Variants in RPS15A observed in about 807,000 individuals in gnomAD.
The protein encoded by RPS15A is ribosomal protein S15a.
For missense variants in RPS15A, 62 were observed against 163.4 expected, an observed-to-expected ratio of 0.38 and a Z score of 3.38; for synonymous variants, 55 against 58.5, an observed-to-expected ratio of 0.94 and a Z score of 0.27.
rs374415648 is a variant in RPS15A at position 18,786,135 on chromosome 16, G to A, written c.214-1312C>T. ...TCGAAAGTCACAGAACAGGCCAGGC[G>A]CGGTGGATCACCTGAGGTCAGGAGT... On this transcript the variant is annotated intron_variant, in intron 3 of 4. Transcript: ENST00000322989. 36 of 159,236 alleles carry A rather than the reference G, an allele frequency of 2.3e-4. 1 individual carries two copies. The highest frequency in any genetic ancestry group is 1.9e-3 in the East Asian group (10 of 5,200). 9.9% of individuals were successfully genotyped at this position (159,236 alleles called of 1,614,324 possible).
At chr16:18,785,890 G>A (rs1046220002) in intron 3 of RPS15A, 3 of 152,200 alleles carry the variant, frequency 2.0e-5, no homozygotes, top group Non-Finnish European at 4.4e-5. Flanking sequence ...CATTCTGGTA[G>A]AATTAAAACA....
At chr16:18,788,777 T>C in intron 2 of RPS15A, 1 of 550,688 alleles carries the variant, frequency 1.8e-6, no homozygotes, top group Non-Finnish European at 3.3e-6. Context: ...CCCAAACACC[T>C]AGCAGAGCTC....
intron 2 of RPS15A, 93 bp downstream of exon 2, chr16:18,788,888 G>T: frequency 7.6e-7 from 1 of 1,320,188 alleles, no homozygotes; most frequent in Non-Finnish European, 1.1e-6. Context: ...AGGTATGACA[G>T]ACATACTTTG....
At chr16:18,784,476 C>A in intron 4 of RPS15A, 1 of 369,784 alleles carries the variant, frequency 2.7e-6, no homozygotes, top group Non-Finnish European at 4.9e-6. Flanking sequence ...GAACTCCCAA[C>A]CTCAGGTGAT....
intron 1 of RPS15A, 26 bp from the exon 2 acceptor site, chr16:18,789,144 G>A (rs1393892678): frequency 1.3e-6 from 2 of 1,594,056 alleles, no homozygotes; most frequent in Non-Finnish European, 1.7e-6. Context: ...AAAACAGGAG[G>A]TTTTACTGGC....
At chr16:18,788,674 G>GT (rs914864105) in intron 2 of RPS15A, 6 of 253,012 alleles carry the variant, frequency 2.4e-5, no homozygotes, top group South Asian at 1.1e-4. Flanking sequence ...TTTGTTTTTT[G>GT]TTTTTTTAGT....
At chr16:18,789,770 G>A (rs960984944) in intron 1 of RPS15A, 1 of 152,254 alleles carries the variant, frequency 6.6e-6, no homozygotes, top group Non-Finnish European at 1.5e-5. Context: ...AAAGACCAAA[G>A]TGCCAATAGT....
In RPS15A at chr16:18,788,132, G is replaced by T; in HGVS notation, c.144C>A (p.Gly48=). Residue 48 remains glycine, a synonymous_variant, in exon 3 of 5, where the codon GGC becomes GGA. Transcript: ENST00000322989. ...LTVMMKHGYI[G]EFEIIDDHRA... ...TGTGGTCATCAATGATTTCAAATTC[G>T]CCAATGTAACCTACAAAAGATAACT... is the stretch of plus-strand genomic sequence containing the variant. 6.2e-7 allele frequency: 1 copy of T among 1,607,100 alleles called. No homozygotes were observed. Among genetic ancestry groups the T allele is most frequent in the Non-Finnish European group, 8.5e-7 (1 of 1,174,354 alleles).
chr16:18,787,459 T>TA (rs1163820047), intron 3 of RPS15A, among the ~76,000 whole-genome samples: 3 of 152,102 alleles, frequency 2.0e-5, no homozygotes, highest in Admixed American at 6.6e-5. Context: ...ATCTGAAAGC[T>TA]ACAAACCTGA....
In RPS15A at chr16:18,781,344, C is replaced by T. The variant is rs1057174706; in HGVS notation, c.*1665G>A. On this transcript the variant is annotated 3_prime_UTR_variant, in exon 5 of 5. Coordinates refer to ENST00000322989, the MANE Select transcript of RPS15A (RefSeq NM_001019.5). ...TTGAAGTCAGTGTCCAGAAAGAAAC[C>T]GACGATTCACTCAATCAACATGTAA... 5 of 150,672 alleles carry T rather than the reference C, an allele frequency of 3.3e-5. No homozygotes were observed. Among genetic ancestry groups the T allele is most frequent in the South Asian group, 2.1e-4 (1 of 4,740 alleles). 9.3% of individuals were successfully genotyped at this position (150,672 alleles called of 1,614,324 possible). A position where few individuals can be genotyped will look rare whatever the true frequency, so the allele number is the denominator to read the frequency against.
intron 4 of RPS15A, chr16:18,784,460 G>A (rs1053990679): frequency 3.1e-6 from 1 of 326,282 alleles, no homozygotes; most frequent in African/African-American, 2.2e-5. Context: ...TGGTCAGGGT[G>A]GTCTCGAACT....
chr16:18,784,616 A>T, intron 4 of RPS15A, 122 bp downstream of exon 4: 1 of 721,002 alleles, frequency 1.4e-6, no homozygotes, highest in Non-Finnish European at 2.4e-6. Context: ...CAAAATGGTT[A>T]AGAGTAGACA....
intron 3 of RPS15A, 110 bp from the exon 4 acceptor site, chr16:18,784,933 C>T: frequency 1.2e-6 from 1 of 816,628 alleles, no homozygotes; most frequent in Admixed American, 2.5e-5. Context: ...CCAACCAACC[C>T]AGCATTCAGA....
intron 2 of RPS15A, chr16:18,788,755 A>G: frequency 2.1e-6 from 1 of 484,962 alleles, no homozygotes; most frequent in East Asian, 3.4e-5. Flanking sequence ...AATGACTTAG[A>G]TTCATTTAGC....
At chr16:18,788,014 C>G in intron 3 of RPS15A, 49 bp downstream of exon 3, 2 of 1,118,592 alleles carry the variant, frequency 1.8e-6, no homozygotes, top group Non-Finnish European at 2.7e-6. Flanking sequence ...TTTAACGCCA[C>G]AGTAAAAAAT....
At chr16:18,789,251 G>A in intron 1 of RPS15A, 133 bp from the exon 2 acceptor site, 1 of 820,158 alleles carries the variant, frequency 1.2e-6, no homozygotes, top group Non-Finnish European at 1.9e-6. Context: ...TAAGCAGGCT[G>A]CTTCTCCATT....
At chr16:18,783,870 A>C in intron 4 of RPS15A, 1 of 365,216 alleles carries the variant, frequency 2.7e-6, no homozygotes, top group South Asian at 2.1e-5. Flanking sequence ...GCAGAAAAAC[A>C]AGGGTTTGAA....
chr16:18,782,678 C>T lies in RPS15A; in HGVS notation c.*331G>A, dbSNP rs143662298. 4.3e-4 allele frequency: 71 copies of T among 166,980 alleles called. No individual in the cohort carries two copies. Among genetic ancestry groups the T allele is most frequent in the African/African-American group, 1.4e-3 (55 of 40,522 alleles). The allele number at this position is 166,980 out of a possible 1,614,324, so 10.3% of individuals were successfully genotyped here. On this transcript the variant is annotated 3_prime_UTR_variant, in exon 5 of 5. Transcript: ENST00000322989. The stretch of plus-strand genomic sequence containing the variant: ...TGGAGGTTGCAGTGGGCCAAGATCG[C>T]GCCACTGCACTCCAGCCTGAGCAAT...
At chr16:18,783,934 T>C (rs1904005398) in intron 4 of RPS15A, 2 of 345,048 alleles carry the variant, frequency 5.8e-6, no homozygotes, top group Non-Finnish European at 1.1e-5. Flanking sequence ...CCCAAAGGCC[T>C]AGGCTTAGAA....
Sources: allele counts gnomAD v4.1 joint callset (sites outside exome capture counted in the v4.1 genomes callset), GRCh38; gene constraint gnomAD v4.1.1; transcripts MANE v1.5; gene names NCBI Gene and HGNC (gene_info 2026-07-23, HGNC 2026-07-21).